Variants in OGA observed in about 807,000 individuals in gnomAD.
OGA encodes O-GlcNAcase.
Under a neutral mutation model 102.0 loss-of-function variants are expected in OGA, and 21 were observed. The observed-to-expected ratio is 0.21, with a 90% confidence interval of 0.15 to 0.30. The LOEUF (loss-of-function observed/expected upper bound fraction) is 0.30, where lower values mean the gene tolerates loss of function less well. OGA is among the 10% of genes least tolerant of loss of function. The pLI, the probability that OGA is intolerant of heterozygous loss-of-function variation, is 1.00. For synonymous variants in OGA, 408 were observed against 378.2 expected, an observed-to-expected ratio of 1.08 and a Z score of -0.91; for missense variants, 765 against 1,107.8, an observed-to-expected ratio of 0.69 and a Z score of 4.39.
intron 1 of OGA, among the ~76,000 whole-genome samples, chr10:101,816,759 T>C (rs537298987): frequency 2.2e-4 from 33 of 152,320 alleles, no homozygotes; most frequent in African/African-American, 7.9e-4. Context: ...CCTGTTATGG[T>C]CTGTACCATA....
chr10:101,808,629 C>T lies in OGA; in HGVS notation c.481-728G>A, dbSNP rs545131668. On this transcript the variant is annotated intron_variant, in intron 4 of 15. Coordinates refer to ENST00000361464, the MANE Select transcript of OGA (RefSeq NM_012215.5). ...TTAATGCCACCCATATAAATCTTTG[C>T]CTAAAGAAATAAGACATGTATATAG... Among the ~76,000 whole-genome samples the T allele has an allele frequency of 3.9e-5, 6 of 152,030 alleles. No homozygotes were observed. In the South Asian group the frequency reaches 1.0e-3, roughly 26 times the overall value.
At chr10:101,801,335 T>G (rs956964293) in intron 7 of OGA, among the ~76,000 whole-genome samples, 10 of 147,482 alleles carry the variant, frequency 6.8e-5, no homozygotes, top group African/African-American at 2.5e-4. Flanking sequence ...AAGGTTGCAG[T>G]GAGCTGAGAT....
chr10:101,799,627 G>A (rs998342824), intron 8 of OGA, among the ~76,000 whole-genome samples, 172 bp from the exon 9 acceptor site: 3 of 152,078 alleles, frequency 2.0e-5, no homozygotes, highest in Non-Finnish European at 4.4e-5. Flanking sequence ...ATACTACTAG[G>A]GATGCAGGAA....
At chr10:101,786,894 AG>A (rs1399645352) in intron 15 of OGA, among the ~76,000 whole-genome samples, 1 of 152,144 alleles carries the variant, frequency 6.6e-6, no homozygotes, top group African/African-American at 2.4e-5. Context: ...CAGCCTCCCG[AG>A]TAGCTGGGAT....
chr10:101,792,121 C>G (rs1026915826), intron 12 of OGA, among the ~76,000 whole-genome samples: 1 of 151,716 alleles, frequency 6.6e-6, no homozygotes, highest in African/African-American at 2.4e-5. Context: ...CGGGTTCAAG[C>G]CATTGTCCGG....
At chr10:101,807,537 G>C (rs912060740) in intron 5 of OGA, among the ~76,000 whole-genome samples, 193 bp downstream of exon 5, 1 of 152,066 alleles carries the variant, frequency 6.6e-6, no homozygotes, top group South Asian at 2.1e-4. Context: ...AAAATCTTTT[G>C]CCTAGTCAGT....
intron 10 of OGA, chr10:101,797,397 A>G (rs1237901983): frequency 6.6e-6 from 1 of 152,398 alleles, no homozygotes; most frequent in African/African-American, 2.4e-5. Flanking sequence ...TGTAGCAGAG[A>G]TGTTTAGGGG....
chr10:101,812,387 G>C (rs749170921), intron 3 of OGA, among the ~76,000 whole-genome samples: 1 of 151,996 alleles, frequency 6.6e-6, no homozygotes, highest in Non-Finnish European at 1.5e-5. Flanking sequence ...CAGCCTGGGG[G>C]ACAGAGCAAG....
chr10:101,806,064 TC>T lies in OGA; in HGVS notation c.731del (p.Gly244GlufsTer18). 1 of 1,608,244 alleles carries T rather than the reference TC, an allele frequency of 6.2e-7. No homozygotes were observed. Among genetic ancestry groups the T allele is most frequent in the Non-Finnish European group, 8.5e-7 (1 of 1,174,606 alleles). On this transcript the variant is annotated frameshift_variant, in exon 6 of 16. Transcript: ENST00000361464. LOFTEE classifies it high-confidence loss of function. ...ACTTACCTGTCCAAAGCACTTCAATTCCAGGTAGAAGCTTTTCACCCACAGT... is the reference window on the plus strand; with the variant it reads ...ACTTACCTGTCCAAAGCACTTCAATTCAGGTAGAAGCTTTTCACCCACAGT... Reference protein sequence around the residue: ...LRTVGEKLLPGIEVLWTGPKV... With the variant: ...LRTVGEKLLPXIEVLWTGPKV...
intron 4 of OGA, among the ~76,000 whole-genome samples, chr10:101,809,288 C>A (rs1008869893): frequency 2.0e-5 from 3 of 152,166 alleles, no homozygotes; most frequent in African/African-American, 7.2e-5. Flanking sequence ...GAAATAAAGT[C>A]CAGCAGTCAG....
Position 101,800,392 on chromosome 10 carries a change from C to CA in OGA, c.1044dup (p.Glu349Ter). 1 of 1,603,650 alleles carries CA rather than the reference C, an allele frequency of 6.2e-7. No individual in the cohort carries two copies. Among genetic ancestry groups the CA allele is most frequent in the Non-Finnish European group, 8.5e-7 (1 of 1,176,428 alleles). Reference sequence around the variant, plus strand: ...ATCTGGATGGACACAGTACTATCTTCACTGTCAGCTGCAAAAAATAAAATA... The same window carrying CA: ...ATCTGGATGGACACAGTACTATCTTCAACTGTCAGCTGCAAAAAATAAAATA... On this transcript the variant is annotated frameshift_variant, in exon 8 of 16. Transcript: ENST00000361464. LOFTEE classifies it high-confidence loss of function.
At chr10:101,801,510 G>T (rs890975221) in intron 7 of OGA, among the ~76,000 whole-genome samples, 5 of 151,736 alleles carry the variant, frequency 3.3e-5, no homozygotes, top group Non-Finnish European at 5.9e-5. Flanking sequence ...TTTTGATTTT[G>T]TACTTAAAAA....
intron 6 of OGA, among the ~76,000 whole-genome samples, chr10:101,804,220 G>C (rs1027402715): frequency 6.7e-6 from 1 of 149,016 alleles, no homozygotes; most frequent in Non-Finnish European, 1.5e-5. Context: ...AAGAATCATG[G>C]TTCTTTAAAA....
At chr10:101,792,712 T>C (rs939378473) in intron 12 of OGA, 127 bp downstream of exon 12, 182 of 629,342 alleles carry the variant, frequency 2.9e-4, no homozygotes, top group African/African-American at 9.1e-5. Context: ...AATGTTTTAA[T>C]GAACTTTCTC....
chr10:101,793,940 A>G lies in OGA; in HGVS notation c.2043T>C (p.Phe681=). The G allele has an allele frequency of 6.2e-7, 1 of 1,613,286 alleles. No individual in the cohort carries two copies. ...GGAACTCTCCTGCTAGACCACCTCT[A>G]AAGGCCCAGGGTTCTTGGTCTCCAA... The part of the protein sequence containing the change: ...FLIGDQEPWA[F]RGGLAGEFQR... The change falls in exon 11 of 16, where the codon TTT becomes TTC. Residue 681 remains phenylalanine (F), a synonymous_variant. Coordinates refer to ENST00000361464, the MANE Select transcript of OGA (RefSeq NM_012215.5).
chr10:101,815,870 A>T (rs1399113263), intron 1 of OGA, among the ~76,000 whole-genome samples: 3 of 151,536 alleles, frequency 2.0e-5, no homozygotes, highest in Non-Finnish European at 4.4e-5. Context: ...TTGTGATGGA[A>T]AGAAAACAAA....
chr10:101,795,881 CA>C, intron 10 of OGA: 1 of 977,384 alleles, frequency 1.0e-6, no homozygotes, highest in African/African-American at 1.8e-5. Flanking sequence ...ACAGGCTGGA[CA>C]AGCTTGCTGT....
At chr10:101,797,233 T>G (rs1238089503) in intron 10 of OGA, 1 of 152,160 alleles carries the variant, frequency 6.6e-6, no homozygotes, top group Non-Finnish European at 1.5e-5. Flanking sequence ...GTGCTGTATA[T>G]AAGTCCATTA....
intron 8 of OGA, 74 bp downstream of exon 8, chr10:101,800,168 C>T (rs1259991337): frequency 3.4e-5 from 50 of 1,487,700 alleles, no homozygotes; most frequent in Non-Finnish European, 4.3e-5. Context: ...CCACCACACC[C>T]GGGAGACAGT....
Sources: gnomAD v4.1 joint callset for allele counts (sites outside exome capture counted in the v4.1 genomes callset) on GRCh38, gnomAD v4.1.1 for gene constraint, MANE v1.5 for transcripts, NCBI Gene and HGNC (gene_info 2026-07-23, HGNC 2026-07-21) for gene names.